The following STXBP5L variants were observed in gnomAD, a reference collection of about 807,000 sequenced individuals.
STXBP5L encodes syntaxin binding protein 5L, also known as syntaxin-binding protein 5-like.
Under a neutral mutation model 144.5 loss-of-function variants are expected in STXBP5L, and 65 were observed. The ratio of observed to expected loss-of-function variants is 0.45; its 90% CI spans 0.37 to 0.55. STXBP5L has a LOEUF of 0.55. Ranked by LOEUF, STXBP5L falls within the 20% of genes least tolerant of loss-of-function variation. The pLI is 0.00. For synonymous variants in STXBP5L, 505 were observed against 469.6 expected, an observed-to-expected ratio of 1.08 and a Z score of -0.97; for missense variants, 1,298 against 1,405.5, an observed-to-expected ratio of 0.92 and a Z score of 1.22.
chr3:121,133,047 G>C (rs375865641), intron 7 of STXBP5L, among the ~76,000 whole-genome samples: 1 of 151,786 alleles, frequency 6.6e-6, no homozygotes, highest in Non-Finnish European at 1.5e-5. Context: ...ATGAGAAGAA[G>C]CATATCAAGG....
intron 3 of STXBP5L, among the ~76,000 whole-genome samples, chr3:121,040,799 T>A (rs962503563): frequency 3.3e-5 from 5 of 152,102 alleles, no homozygotes; most frequent in Admixed American, 2.6e-4. Flanking sequence ...CCTTATATAT[T>A]TTCTCTCTTT....
intron 22 of STXBP5L, among the ~76,000 whole-genome samples, chr3:121,395,866 T>C (rs920124018): frequency 2.6e-5 from 4 of 152,186 alleles, no homozygotes; most frequent in Non-Finnish European, 4.4e-5. Context: ...CTTGTGACAG[T>C]TGGGGTCCTC....
At chr3:121,172,107 T>C (rs1228973184) in intron 9 of STXBP5L, among the ~76,000 whole-genome samples, 2 of 151,942 alleles carry the variant, frequency 1.3e-5, no homozygotes, top group Non-Finnish European at 2.9e-5. Flanking sequence ...GGGGAAAAAA[T>C]TGTTTTGGGA....
At chr3:121,268,047 C>T (rs1196865372) in intron 18 of STXBP5L, among the ~76,000 whole-genome samples, 2 of 152,118 alleles carry the variant, frequency 1.3e-5, no homozygotes, top group Admixed American at 1.3e-4. Context: ...ACCCAGCAAT[C>T]CCATTACTGG....
At chr3:121,120,841 G>C (rs140028895) in intron 6 of STXBP5L, among the ~76,000 whole-genome samples, 4 of 151,206 alleles carry the variant, frequency 2.6e-5, no homozygotes, top group African/African-American at 9.7e-5. Flanking sequence ...CTGTTAGGTC[G>C]TGGAGAAAGG....
intron 9 of STXBP5L, among the ~76,000 whole-genome samples, chr3:121,197,087 A>G (rs78434046): frequency 0.015 from 2,321 of 152,018 alleles, 19 homozygotes; most frequent in Non-Finnish European, 0.023. Context: ...AGTTTTTAGT[A>G]TGTTATATCT....
intron 3 of STXBP5L, among the ~76,000 whole-genome samples, chr3:121,008,871 A>G (rs911887723): frequency 6.6e-6 from 1 of 152,074 alleles, no homozygotes; most frequent in Non-Finnish European, 1.5e-5. Context: ...TAGCAATTGT[A>G]ATAAATAAAA....
At chr3:121,324,224 G>T (rs552530601) in intron 20 of STXBP5L, among the ~76,000 whole-genome samples, 1 of 152,168 alleles carries the variant, frequency 6.6e-6, no homozygotes, top group East Asian at 1.9e-4. Context: ...TCTCAGGATT[G>T]GGTCAGAGCT....
At chr3:120,921,436 C>T (rs1709354853) in intron 2 of STXBP5L, among the ~76,000 whole-genome samples, 1 of 151,892 alleles carries the variant, frequency 6.6e-6, no homozygotes, top group Admixed American at 6.6e-5. Context: ...TGTCTCTTTA[C>T]CTTGTTGATG....
At chr3:121,400,455 T>A (rs2046843976) in intron 22 of STXBP5L, among the ~76,000 whole-genome samples, 1 of 152,186 alleles carries the variant, frequency 6.6e-6, no homozygotes, top group Admixed American at 6.5e-5. Context: ...TCTTAACCAG[T>A]CCTGTTCCAG....
chr3:121,378,900 A>G lies in STXBP5L; in HGVS notation c.2347+14A>G. The G allele has an allele frequency of 6.3e-7, 1 of 1,599,862 alleles. No individual in the cohort carries two copies. The highest frequency in any genetic ancestry group is 8.5e-7 in the Non-Finnish European group (1 of 1,172,426). On this transcript the variant is annotated intron_variant, in intron 21 of 26. Transcript: ENST00000471454. ...TTACAACAGAAGGTATGTTAAACAT[A>G]TTAAATTTTTTTGTTACAGTTAAAA...
intron 22 of STXBP5L, among the ~76,000 whole-genome samples, chr3:121,388,021 T>C (rs1167071873): frequency 1.3e-5 from 2 of 152,238 alleles, no homozygotes; most frequent in African/African-American, 4.8e-5. Context: ...ATATTGATTC[T>C]TCCTATCCAT....
chr3:121,136,729 A>G (rs1366690307), intron 7 of STXBP5L, among the ~76,000 whole-genome samples: 1 of 152,224 alleles, frequency 6.6e-6, no homozygotes, highest in Non-Finnish European at 1.5e-5. Flanking sequence ...ATTGCTGGAT[A>G]TATAGCCAAA....
intron 20 of STXBP5L, among the ~76,000 whole-genome samples, chr3:121,369,651 T>G (rs1435399113): frequency 1.3e-5 from 2 of 152,050 alleles, no homozygotes; most frequent in Non-Finnish European, 2.9e-5. Context: ...CAGAAAAGCC[T>G]TTCACCAGGC....
intron 3 of STXBP5L, among the ~76,000 whole-genome samples, chr3:120,998,105 G>T (rs1226241171): frequency 1.3e-5 from 2 of 152,102 alleles, no homozygotes; most frequent in African/African-American, 4.8e-5. Context: ...TGCCGTCTAT[G>T]AAAATCCCAC....
intron 22 of STXBP5L, among the ~76,000 whole-genome samples, chr3:121,386,258 T>C (rs2046423774): frequency 1.3e-5 from 2 of 152,190 alleles, no homozygotes; most frequent in African/African-American, 2.4e-5. Flanking sequence ...TCTCTTATTC[T>C]ATTTCATATG....
At chr3:120,971,983 C>T (rs1940326119) in intron 3 of STXBP5L, among the ~76,000 whole-genome samples, 1 of 151,962 alleles carries the variant, frequency 6.6e-6, no homozygotes, top group Non-Finnish European at 1.5e-5. Context: ...AGTGCTGTGA[C>T]CTACTGTGAC....
chr3:120,945,232 C>T (rs543839542), intron 2 of STXBP5L, among the ~76,000 whole-genome samples: 10 of 151,760 alleles, frequency 6.6e-5, no homozygotes, highest in Admixed American at 4.6e-4. Flanking sequence ...ACCAAAAACT[C>T]GACAAGTAAC....
At chr3:121,395,338 A>C (rs1165896811) in intron 22 of STXBP5L, among the ~76,000 whole-genome samples, 1 of 152,264 alleles carries the variant, frequency 6.6e-6, no homozygotes, top group Non-Finnish European at 1.5e-5. Context: ...ATATAAATTC[A>C]AAATGATGAA....
Sources: gnomAD v4.1 joint callset for allele counts (sites outside exome capture counted in the v4.1 genomes callset) on GRCh38, gnomAD v4.1.1 for gene constraint, MANE v1.5 for transcripts, NCBI Gene and HGNC (gene_info 2026-07-23, HGNC 2026-07-21) for gene names.